Variants in SNTB2 observed in about 807,000 individuals in gnomAD.
The protein encoded by SNTB2 is beta-2-syntrophin.
SNTB2 carries 34 observed loss-of-function variants against 46.2 expected under a neutral mutation model. That is an observed-to-expected ratio of 0.74 (90% CI 0.56 to 0.98). The LOEUF (loss-of-function observed/expected upper bound fraction) is 0.98, where lower values mean the gene tolerates loss of function less well. SNTB2 is among the 50% of genes least tolerant of loss of function. The pLI, the probability that SNTB2 is intolerant of heterozygous loss-of-function variation, is 0.00. For missense variants in SNTB2, 603 were observed against 731.4 expected (o/e 0.82, Z 2.02); for synonymous variants, 290 against 312.6 (o/e 0.93, Z 0.76).
chr16:69,188,152 A>T (rs1403131258), intron 1 of SNTB2, among the ~76,000 whole-genome samples: 1 of 152,042 alleles, frequency 6.6e-6, no homozygotes, highest in Non-Finnish European at 1.5e-5. Flanking sequence ...AAAAAAAAAA[A>T]AAAGTCCATC....
At chr16:69,277,427 G>T (rs1366105625) in intron 4 of SNTB2, among the ~76,000 whole-genome samples, 1 of 152,100 alleles carries the variant, frequency 6.6e-6, no homozygotes, top group Non-Finnish European at 1.5e-5. Flanking sequence ...ATGATATATG[G>T]TGTTGCAAAA....
chr16:69,226,168 T>C (rs1964458449), intron 1 of SNTB2, among the ~76,000 whole-genome samples: 2 of 152,022 alleles, frequency 1.3e-5, no homozygotes, highest in Admixed American at 1.3e-4. Context: ...GCTTCCTGGG[T>C]TAAAGCAATT....
At chr16:69,259,697 G>A (rs1405761700) in intron 2 of SNTB2, among the ~76,000 whole-genome samples, 1 of 148,666 alleles carries the variant, frequency 6.7e-6, no homozygotes, top group Admixed American at 6.8e-5. Flanking sequence ...TCCGCCTCCT[G>A]GGGTCAAGCG....
At chr16:69,251,431 G>A (rs1379574776) in intron 2 of SNTB2, among the ~76,000 whole-genome samples, 1 of 140,250 alleles carries the variant, frequency 7.1e-6, no homozygotes, top group Non-Finnish European at 1.5e-5. Context: ...GGGTAAATTT[G>A]TAGGAGTGGA....
chr16:69,289,952 A>G (rs182672278), intron 5 of SNTB2, among the ~76,000 whole-genome samples: 2 of 152,226 alleles, frequency 1.3e-5, no homozygotes, highest in Admixed American at 1.3e-4. Context: ...TGGGAGATTC[A>G]GAACTGTCTG....
intron 2 of SNTB2, among the ~76,000 whole-genome samples, chr16:69,259,292 G>C (rs1567409072): frequency 7.4e-6 from 1 of 135,998 alleles, no homozygotes; most frequent in Non-Finnish European, 1.5e-5. Flanking sequence ...TGTCACCTAG[G>C]CTGGATCTCG....
At chr16:69,255,511 G>A (rs138140130) in intron 2 of SNTB2, among the ~76,000 whole-genome samples, 8,078 of 150,446 alleles carry the variant, frequency 0.054, 243 homozygotes, top group South Asian at 0.074. Context: ...AGTGAGCCGA[G>A]ATCACGACAC....
At chr16:69,249,074 A>G (rs1473581738) in intron 2 of SNTB2, among the ~76,000 whole-genome samples, 1 of 139,974 alleles carries the variant, frequency 7.1e-6, no homozygotes, top group South Asian at 2.2e-4. Flanking sequence ...CGCCTAGGCT[A>G]GAGTACAATG....
intron 2 of SNTB2, among the ~76,000 whole-genome samples, chr16:69,252,703 C>G (rs770019642): frequency 3.3e-5 from 5 of 152,142 alleles, no homozygotes; most frequent in Non-Finnish European, 7.4e-5. Flanking sequence ...TTCATCTGAT[C>G]AAAATGTTAA....
intron 2 of SNTB2, among the ~76,000 whole-genome samples, chr16:69,259,420 A>G (rs1964813303): frequency 6.6e-6 from 1 of 150,872 alleles, no homozygotes; most frequent in Non-Finnish European, 1.5e-5. Flanking sequence ...TTTTTGGTAG[A>G]GTCAAGGTTT....
chr16:69,215,364 G>A lies in SNTB2; in HGVS notation c.580+27618G>A, dbSNP rs1354012372. Reference sequence around the variant, plus strand: ...TGTAGGATTGTGCCACTGCATTTCAGCCTAAGTGACAAAGATTGTCTCTAA... The same window carrying A: ...TGTAGGATTGTGCCACTGCATTTCAACCTAAGTGACAAAGATTGTCTCTAA... On this transcript the variant is annotated intron_variant, in intron 1 of 6. Coordinates refer to ENST00000336278, the MANE Select transcript of SNTB2 (RefSeq NM_006750.4). Among the ~76,000 whole-genome samples, 6 of 152,096 alleles carry A rather than the reference G, an allele frequency of 3.9e-5. No homozygotes were observed. The East Asian group carries it at 1.2e-3, about 29-fold the overall frequency.
chr16:69,197,461 TTAAA>T (rs1392566367), intron 1 of SNTB2, among the ~76,000 whole-genome samples: 2 of 152,222 alleles, frequency 1.3e-5, no homozygotes. Context: ...TAAAAATAGT[TTAAA>T]TATTTTATTA....
At chr16:69,261,224 A>G (rs1964831562) in intron 3 of SNTB2, among the ~76,000 whole-genome samples, 1 of 152,066 alleles carries the variant, frequency 6.6e-6, no homozygotes, top group Admixed American at 6.6e-5. Flanking sequence ...CAGCACAGGA[A>G]GGATTTTGTT....
intron 1 of SNTB2, among the ~76,000 whole-genome samples, chr16:69,245,121 A>G (rs1224034379): frequency 1.3e-5 from 2 of 152,184 alleles, no homozygotes; most frequent in African/African-American, 4.8e-5. Flanking sequence ...TAAAGCCTAG[A>G]TGGGTCTGTC....
At chr16:69,248,420 G>A (rs1964691639) in intron 2 of SNTB2, among the ~76,000 whole-genome samples, 1 of 152,138 alleles carries the variant, frequency 6.6e-6, no homozygotes, top group Non-Finnish European at 1.5e-5. Flanking sequence ...GATTACTTCA[G>A]TTCAGGAGTT....
At chr16:69,275,194 T>G (rs1266097762) in intron 4 of SNTB2, among the ~76,000 whole-genome samples, 2 of 151,986 alleles carry the variant, frequency 1.3e-5, no homozygotes, top group African/African-American at 4.8e-5. Context: ...CACCTCAGCT[T>G]CTCGAGTAGC....
Position 69,308,995 on chromosome 16 carries a change from TAAATAC to T in SNTB2, c.*8073_*8078del, listed in dbSNP as rs1401866451. 6.6e-6 allele frequency: 1 copy of T among 152,258 alleles called. No individual in the cohort carries two copies. Among genetic ancestry groups the T allele is most frequent in the Non-Finnish European group, 1.5e-5 (1 of 67,982 alleles). 9.4% of individuals were successfully genotyped at this position (152,258 alleles called of 1,614,324 possible). ...GTGTAACTTAAGGGTATTATATATA[TAAATAC>T]ATATATACCTTTGTAACCTTTATAC... On this transcript the variant is annotated 3_prime_UTR_variant, in exon 7 of 7. Coordinates refer to ENST00000336278, the MANE Select transcript of SNTB2 (RefSeq NM_006750.4).
intron 6 of SNTB2, among the ~76,000 whole-genome samples, chr16:69,300,561 A>G (rs1008582197): frequency 1.3e-5 from 2 of 152,128 alleles, no homozygotes; most frequent in African/African-American, 4.8e-5. Flanking sequence ...TAGATTTTAA[A>G]TCCTCTACTA....
intron 2 of SNTB2, among the ~76,000 whole-genome samples, chr16:69,249,863 C>A (rs1280167694): frequency 1.3e-5 from 2 of 152,078 alleles, no homozygotes; most frequent in Non-Finnish European, 2.9e-5. Context: ...CTTTGAGAGG[C>A]CAAGGTGGGT....
Sources: allele counts gnomAD v4.1 joint callset (sites outside exome capture counted in the v4.1 genomes callset), GRCh38; gene constraint gnomAD v4.1.1; transcripts MANE v1.5; gene names NCBI Gene and HGNC (gene_info 2026-07-23, HGNC 2026-07-21).